ULK4: variants seen among roughly 807,000 people sequenced by gnomAD.
ULK4 encodes inactive serine/threonine-protein kinase ULK4.
ULK4 carries 133 observed loss-of-function variants against 160.6 expected under a neutral mutation model. The ratio of observed to expected loss-of-function variants is 0.83; its 90% CI spans 0.72 to 0.96. ULK4 has a LOEUF of 0.96. Ranked by LOEUF, ULK4 falls within the 40% of genes least tolerant of loss-of-function variation. The probability of loss-of-function intolerance (pLI) is 0.00; values close to 1 mark genes in which losing one functional copy is unlikely to be tolerated. For synonymous variants in ULK4, 534 were observed against 539.8 expected (o/e 0.99, Z 0.15); for missense variants, 1,580 against 1,499.5 (o/e 1.05, Z -0.89).
At chr3:41,301,238 C>T (rs2079789853) in intron 35 of ULK4, among the ~76,000 whole-genome samples, 1 of 151,242 alleles carries the variant, frequency 6.6e-6, no homozygotes, top group Non-Finnish European at 1.5e-5. Flanking sequence ...GCTGTTGATA[C>T]AGAGAATATT....
chr3:41,489,419 A>G (rs1353401341), intron 32 of ULK4, among the ~76,000 whole-genome samples: 1 of 152,196 alleles, frequency 6.6e-6, no homozygotes, highest in African/African-American at 2.4e-5. Flanking sequence ...GAAAGTATTC[A>G]TTAGAGGGCA....
At chr3:41,940,172 C>T (rs962254309) in intron 2 of ULK4, among the ~76,000 whole-genome samples, 2 of 152,100 alleles carry the variant, frequency 1.3e-5, no homozygotes, top group Non-Finnish European at 2.9e-5. Context: ...ACCAGATCAC[C>T]ACATCCAGAC....
intron 17 of ULK4, among the ~76,000 whole-genome samples, chr3:41,865,270 TTAAAAAAAAAAAAAAA>T (rs1458628556): frequency 0.012 from 762 of 65,626 alleles, 16 homozygotes; most frequent in African/African-American, 0.046. Context: ...GACTCTGTCT[TTAAAAAAAAAAAAAAA>T]AAAAAAAAAA....
Position 41,621,838 on chromosome 3 carries a change from G to A in ULK4, c.3072-6121C>T, listed in dbSNP as rs192677426. 3.3e-5 allele frequency among the ~76,000 whole-genome samples: 5 copies of A among 152,176 alleles called. No individual in the cohort carries two copies. In the East Asian group the frequency reaches 5.8e-4, roughly 18 times the overall value. On this transcript the variant is annotated intron_variant, in intron 30 of 36. Coordinates refer to ENST00000301831, the MANE Select transcript of ULK4 (RefSeq NM_017886.4). ...AGAGTGAAAAGGCAACCAACAGAAC[G>A]GGAGAAAATTTTTGCAATTTTTCTG...
chr3:41,801,905 G>C (rs1024645493), intron 19 of ULK4, among the ~76,000 whole-genome samples: 1 of 149,872 alleles, frequency 6.7e-6, no homozygotes, highest in African/African-American at 2.4e-5. Context: ...AGCAACTAGA[G>C]TAAAAAGGCA....
chr3:41,377,653 G>C lies in ULK4; in HGVS notation c.3678+20426C>G, dbSNP rs1347030313. On this transcript the variant is annotated intron_variant, in intron 35 of 36. Transcript: ENST00000301831. ...CATCATCACTGGCCATCAGAGAAAT[G>C]CAAATCAAAACCACAATGAGATACC... is the stretch of plus-strand genomic sequence containing the variant. Among the ~76,000 whole-genome samples the C allele has an allele frequency of 7.5e-5, 11 of 146,356 alleles. No individual in the cohort carries two copies. In the East Asian group the frequency reaches 2.2e-3, roughly 30 times the overall value.
chr3:41,388,323 T>C (rs564414714), intron 35 of ULK4, among the ~76,000 whole-genome samples: 9 of 152,070 alleles, frequency 5.9e-5, no homozygotes, highest in Admixed American at 3.3e-4. Flanking sequence ...ATTTTGTAGG[T>C]TGCCTGTTCA....
At chr3:41,254,589 T>A (rs1575357105) in intron 35 of ULK4, among the ~76,000 whole-genome samples, 1 of 151,942 alleles carries the variant, frequency 6.6e-6, no homozygotes, top group East Asian at 1.9e-4. Context: ...ATCAAGGAAC[T>A]AGGAAAAAAG....
intron 30 of ULK4, among the ~76,000 whole-genome samples, chr3:41,623,032 G>A (rs1249144580): frequency 6.6e-6 from 1 of 152,132 alleles, no homozygotes; most frequent in Admixed American, 6.6e-5. Flanking sequence ...ACAGTTTGCA[G>A]GTTACCGCTT....
intron 32 of ULK4, among the ~76,000 whole-genome samples, chr3:41,483,157 T>C (rs2084387604): frequency 6.6e-6 from 1 of 152,220 alleles, no homozygotes; most frequent in Admixed American, 6.5e-5. Flanking sequence ...ACTTTAGTCC[T>C]ACCTCCCACT....
intron 35 of ULK4, 52 bp downstream of exon 35, chr3:41,398,027 G>A (rs1575511540): frequency 6.4e-7 from 1 of 1,562,222 alleles, no homozygotes; most frequent in East Asian, 2.3e-5. Flanking sequence ...CACTGTCCAT[G>A]TCGCTGCCAG....
chr3:41,540,529 T>C (rs925440357), intron 32 of ULK4, among the ~76,000 whole-genome samples: 7 of 152,224 alleles, frequency 4.6e-5, no homozygotes, highest in African/African-American at 1.7e-4. Flanking sequence ...GAAGAATGAT[T>C]TATAATCCTT....
chr3:41,599,737 G>A (rs185789381), intron 31 of ULK4, among the ~76,000 whole-genome samples: 2 of 151,832 alleles, frequency 1.3e-5, no homozygotes, highest in Non-Finnish European at 2.9e-5. Context: ...GCTAATTTTT[G>A]TATTTTTAGT....
chr3:41,825,953 C>T (rs1049517314), intron 18 of ULK4, among the ~76,000 whole-genome samples: 4 of 152,162 alleles, frequency 2.6e-5, no homozygotes, highest in East Asian at 1.9e-4. Context: ...AGACTAACAG[C>T]GGATCTCTTC....
At chr3:41,877,768 G>A (rs1338808301) in intron 17 of ULK4, among the ~76,000 whole-genome samples, 2 of 151,970 alleles carry the variant, frequency 1.3e-5, no homozygotes, top group Admixed American at 1.3e-4. Flanking sequence ...GATCACCTGA[G>A]GTCAGGAGTT....
intron 32 of ULK4, among the ~76,000 whole-genome samples, chr3:41,469,602 C>CAAAAAAAAAA (rs71616008): frequency 3.5e-4 from 4 of 11,316 alleles, no homozygotes; most frequent in East Asian, 1.6e-3. Flanking sequence ...CTACACCTGC[C>CAAAAAAAAAA]AAAAAAAAAA....
chr3:41,954,805 C>A lies in ULK4; in HGVS notation c.-46G>T. ...TACAATAGAATAACAGCATCTCTAG[C>A]TCCTAAGAAGTAAACAAAAATGACA... On this transcript the variant is annotated splice_region_variant and 5_prime_UTR_variant, in exon 2 of 37. Transcript: ENST00000301831. The A allele has an allele frequency of 6.4e-7, 1 of 1,559,194 alleles. No individual in the cohort carries two copies. The highest frequency in any genetic ancestry group is 8.7e-7 in the Non-Finnish European group (1 of 1,153,196).
chr3:41,324,019 T>C (rs2080296128), intron 35 of ULK4, among the ~76,000 whole-genome samples: 2 of 152,218 alleles, frequency 1.3e-5, no homozygotes, highest in South Asian at 4.1e-4. Flanking sequence ...GGATTATGCC[T>C]GTCACTGCAG....
At chr3:41,781,003 A>G (rs751323878) in intron 21 of ULK4, among the ~76,000 whole-genome samples, 13 of 152,160 alleles carry the variant, frequency 8.5e-5, no homozygotes, top group Non-Finnish European at 1.6e-4. Context: ...AACACAGAGA[A>G]AGAGAAGATA....
Sources: allele counts gnomAD v4.1 joint callset (sites outside exome capture counted in the v4.1 genomes callset), GRCh38; gene constraint gnomAD v4.1.1; transcripts MANE v1.5; gene names NCBI Gene and HGNC (gene_info 2026-07-23, HGNC 2026-07-21).